Variants in MIR2052HG observed in about 807,000 individuals in gnomAD.
The protein encoded by MIR2052HG is MIR2052 host gene.
chr8:74,700,481 T>A (rs893830554), intron 2 of MIR2052HG, among the ~76,000 whole-genome samples: 1 of 152,200 alleles, frequency 6.6e-6, no homozygotes, highest in African/African-American at 2.4e-5. Context: ...TGAAGTTAAT[T>A]TAATAACAAT....
At chr8:74,606,217 C>T (rs1455562845) in intron 1 of MIR2052HG, among the ~76,000 whole-genome samples, 2 of 152,134 alleles carry the variant, frequency 1.3e-5, no homozygotes, top group Non-Finnish European at 2.9e-5. Flanking sequence ...ATATAGCTTG[C>T]CACAGTATCT....
At chr8:74,750,436 T>G (rs544379104) in intron 4 of MIR2052HG, among the ~76,000 whole-genome samples, 171 of 152,322 alleles carry the variant, frequency 1.1e-3, no homozygotes, top group African/African-American at 4.0e-3. Context: ...TTTACAATCA[T>G]AAACTAATCT....
intron 2 of MIR2052HG, among the ~76,000 whole-genome samples, chr8:74,649,084 T>C (rs1034882334): frequency 1.1e-4 from 17 of 151,764 alleles, no homozygotes; most frequent in Non-Finnish European, 7.4e-5. Context: ...AAAATTAGAA[T>C]AGGAGACACA....
chr8:74,670,536 A>G (rs773583152), intron 2 of MIR2052HG, among the ~76,000 whole-genome samples: 32 of 152,316 alleles, frequency 2.1e-4, no homozygotes, highest in Non-Finnish European at 1.3e-4. Flanking sequence ...ATAATCAAGC[A>G]CTAAATTTTG....
At chr8:74,643,553 A>C (rs10504583) in intron 2 of MIR2052HG, among the ~76,000 whole-genome samples, 1 of 152,136 alleles carries the variant, frequency 6.6e-6, no homozygotes, top group African/African-American at 2.4e-5. Context: ...CTGCAGTCCC[A>C]AAATGTTTTA....
At chr8:74,696,789 C>G (rs977704937) in intron 2 of MIR2052HG, among the ~76,000 whole-genome samples, 1 of 151,182 alleles carries the variant, frequency 6.6e-6, no homozygotes, top group Non-Finnish European at 1.5e-5. Flanking sequence ...AAACTCTGAA[C>G]AGACCAGTAG....
At chr8:74,693,821 A>G (rs1052153430) in intron 2 of MIR2052HG, among the ~76,000 whole-genome samples, 1 of 152,040 alleles carries the variant, frequency 6.6e-6, no homozygotes, top group African/African-American at 2.4e-5. Flanking sequence ...CCACCCAAGG[A>G]AAGTCTGAGC....
At chr8:74,604,583 C>CTGTTTTT (rs1808082296) in intron 1 of MIR2052HG, among the ~76,000 whole-genome samples, 1 of 50,008 alleles carries the variant, frequency 2.0e-5, no homozygotes, top group Non-Finnish European at 3.6e-5. Context: ...TGTTTCTTTA[C>CTGTTTTT]TTTTTTTTTT....
chr8:74,636,830 C>T (rs1289561734), intron 2 of MIR2052HG, among the ~76,000 whole-genome samples: 1 of 152,044 alleles, frequency 6.6e-6, no homozygotes, highest in Non-Finnish European at 1.5e-5. Context: ...TCTATGGCAC[C>T]ACTTTTCAGA....
At chr8:74,656,121 T>C (rs1422587829) in intron 2 of MIR2052HG, among the ~76,000 whole-genome samples, 1 of 152,208 alleles carries the variant, frequency 6.6e-6, no homozygotes, top group African/African-American at 2.4e-5. Flanking sequence ...GTATCTTCAT[T>C]GTATCTAGGA....
chr8:74,687,754 T>C (rs1386344914), intron 2 of MIR2052HG, among the ~76,000 whole-genome samples: 1 of 152,164 alleles, frequency 6.6e-6, no homozygotes, highest in Non-Finnish European at 1.5e-5. Context: ...AGAGATCTGC[T>C]GTATAACATA....
At chr8:74,667,191 G>A (rs1047160540) in intron 2 of MIR2052HG, among the ~76,000 whole-genome samples, 4 of 152,182 alleles carry the variant, frequency 2.6e-5, no homozygotes, top group Admixed American at 1.3e-4. Context: ...CAGAGAGGAG[G>A]GGTATGAATG....
rs186487244 is a variant in MIR2052HG at position 74,649,126 on chromosome 8, G to A, written n.216+36186G>A. 2.0e-5 allele frequency among the ~76,000 whole-genome samples: 3 copies of A among 152,066 alleles called. No individual in the cohort carries two copies. The East Asian group carries it at 5.8e-4, about 29-fold the overall frequency. ...TAAACTGATGTTTGTGGCTTAGCTC[G>A]ATTTTTGGTAATTTAAAAGATAATG... On this transcript the variant is annotated intron_variant and non_coding_transcript_variant, in intron 2 of 6. Coordinates refer to ENST00000523442, the Ensembl canonical transcript of MIR2052HG.
chr8:74,706,512 C>T (rs1809412612), intron 4 of MIR2052HG, among the ~76,000 whole-genome samples: 1 of 152,044 alleles, frequency 6.6e-6, no homozygotes, highest in African/African-American at 2.4e-5. Context: ...TCAGGAGCTG[C>T]CAGTGTTAGT....
chr8:74,683,410 CTA>C (rs1342939567), intron 2 of MIR2052HG, among the ~76,000 whole-genome samples: 5 of 152,138 alleles, frequency 3.3e-5, no homozygotes, highest in African/African-American at 1.2e-4. Flanking sequence ...AAGCTGTAAA[CTA>C]TATAATACAG....
At chr8:74,714,698 C>CTT (rs10715580) in intron 4 of MIR2052HG, among the ~76,000 whole-genome samples, 73 of 124,440 alleles carry the variant, frequency 5.9e-4, no homozygotes, top group Non-Finnish European at 6.8e-4. Context: ...CTTTTTCCTT[C>CTT]TTTTTTTTTT....
At chr8:74,744,999 T>C (rs546443774) in intron 4 of MIR2052HG, among the ~76,000 whole-genome samples, 1 of 152,168 alleles carries the variant, frequency 6.6e-6, no homozygotes, top group African/African-American at 2.4e-5. Flanking sequence ...GTGTGGTGGA[T>C]CATTCCTGTA....
At chr8:74,740,561 A>G (rs1346553767) in intron 4 of MIR2052HG, among the ~76,000 whole-genome samples, 1 of 152,258 alleles carries the variant, frequency 6.6e-6, no homozygotes, top group Non-Finnish European at 1.5e-5. Context: ...TGAGTAGCTT[A>G]TAGTTCATTA....
Position 74,681,019 on chromosome 8 carries a change from CA to C in MIR2052HG, n.217-21359del, listed in dbSNP as rs1468658899. 2.1e-4 allele frequency among the ~76,000 whole-genome samples: 28 copies of C among 134,594 alleles called. No homozygotes were observed. In the Admixed American group the frequency reaches 2.4e-3, roughly 12 times the overall value. 88.3% of individuals were successfully genotyped at this position (134,594 alleles called of 152,430 possible). On this transcript the variant is annotated intron_variant and non_coding_transcript_variant, in intron 2 of 6. Coordinates refer to ENST00000523442, the Ensembl canonical transcript of MIR2052HG. ...ACAGGTGGGAATTGAACAATGAGAA[CA>C]CATGGACACAGGAAGGGGAACATCA... is the stretch of plus-strand genomic sequence containing the variant.
Sources: gnomAD v4.1 joint callset for allele counts (sites outside exome capture counted in the v4.1 genomes callset) on GRCh38, gnomAD v4.1.1 for gene constraint, MANE v1.5 for transcripts, NCBI Gene and HGNC (gene_info 2026-07-23, HGNC 2026-07-21) for gene names.